Variants in ATP11C observed in about 807,000 individuals in gnomAD.
The protein encoded by ATP11C is phospholipid-transporting ATPase IG.
Under a neutral mutation model 97.4 loss-of-function variants are expected in ATP11C, and 36 were observed. The observed-to-expected ratio is 0.37, with a 90% CI of 0.28 to 0.49. ATP11C has a LOEUF of 0.49. Ranked by LOEUF, ATP11C falls within the 20% of genes least tolerant of loss-of-function variation. The pLI, the probability that ATP11C is intolerant of heterozygous loss-of-function variation, is 0.98. For synonymous variants in ATP11C, 275 were observed against 290.9 expected (o/e 0.95, Z 0.56); for missense variants, 730 against 824.6 (o/e 0.89, Z 1.40).
chrX:139,855,401 G>A (rs1229954179), intron 1 of ATP11C, among the ~76,000 whole-genome samples: 3 of 111,435 alleles, frequency 2.7e-5, no homozygotes, highest in South Asian at 3.8e-4. Context: ...TGAAGATCAC[G>A]TTCTCATCAA....
At chrX:139,813,620 T>A (rs139589202) in intron 5 of ATP11C, among the ~76,000 whole-genome samples, 2,362 of 111,271 alleles carry the variant, frequency 0.021, 32 homozygotes, top group Non-Finnish European at 0.033. Context: ...TGGAAAGACA[T>A]GGAAGAAACT....
intron 1 of ATP11C, among the ~76,000 whole-genome samples, chrX:139,859,534 T>G (rs2084146982): frequency 8.9e-6 from 1 of 112,071 alleles, no homozygotes; most frequent in African/African-American, 3.2e-5. Flanking sequence ...ACCCATGTGT[T>G]ATGTCAAATT....
intron 1 of ATP11C, among the ~76,000 whole-genome samples, chrX:139,844,551 T>C (rs2083882659): frequency 8.9e-6 from 1 of 112,044 alleles, no homozygotes; most frequent in Admixed American, 9.4e-5. Flanking sequence ...TCAGAGCAGC[T>C]AACAGCTCTG....
intron 1 of ATP11C, among the ~76,000 whole-genome samples, chrX:139,921,670 G>A (rs2085261330): frequency 9.0e-6 from 1 of 111,256 alleles, no homozygotes; most frequent in African/African-American, 3.3e-5. Flanking sequence ...CTATAAATGT[G>A]TTGGTAAGGA....
In ATP11C at chrX:139,733,692, C is replaced by T. The variant is rs758201886; in HGVS notation, c.3289-1937G>A. Among the ~76,000 whole-genome samples, 14 of 111,286 alleles carry T rather than the reference C, an allele frequency of 1.3e-4. No individual in the cohort carries two copies. In the South Asian group the frequency reaches 4.5e-3, roughly 36 times the overall value. ...TTCTATTTTATGGGCAAAAACCCTGCGACAAGATCAGCATGATACCAAGTT... is the reference window on the plus strand; with the variant it reads ...TTCTATTTTATGGGCAAAAACCCTGTGACAAGATCAGCATGATACCAAGTT... On this transcript the variant is annotated intron_variant, in intron 28 of 29. Transcript: ENST00000682941.
chrX:139,752,974 C>G (rs2081853859), intron 23 of ATP11C, among the ~76,000 whole-genome samples: 1 of 111,532 alleles, frequency 9.0e-6, no homozygotes, highest in Non-Finnish European at 1.9e-5. Flanking sequence ...GAGAAAGAGA[C>G]CAGTCATTCC....
intron 12 of ATP11C, among the ~76,000 whole-genome samples, chrX:139,794,177 C>A (rs1385865580): frequency 8.9e-6 from 1 of 112,246 alleles, no homozygotes; most frequent in Non-Finnish European, 1.9e-5. Flanking sequence ...CCTTTTGTTT[C>A]TCATGTCAAG....
At chrX:139,930,055 A>T (rs1010329870) in intron 1 of ATP11C, among the ~76,000 whole-genome samples, 1 of 111,919 alleles carries the variant, frequency 8.9e-6, no homozygotes, top group Non-Finnish European at 1.9e-5. Context: ...TACTTACCAC[A>T]GTCATGGCTG....
intron 5 of ATP11C, among the ~76,000 whole-genome samples, chrX:139,810,857 T>C (rs1292803575): frequency 1.9e-5 from 2 of 107,758 alleles, no homozygotes; most frequent in Admixed American, 2.0e-4. Flanking sequence ...TCCCGTTCTC[T>C]AAATTCAGAG....
At chrX:139,874,582 A>C (rs749796290) in intron 1 of ATP11C, among the ~76,000 whole-genome samples, 2 of 112,106 alleles carry the variant, frequency 1.8e-5, no homozygotes, top group Non-Finnish European at 3.8e-5. Context: ...ACTCAATGCT[A>C]ATTCCAGACT....
chrX:139,737,807 G>C, intron 28 of ATP11C, 109 bp downstream of exon 28: 1 of 780,385 alleles, frequency 1.3e-6, no homozygotes, highest in Non-Finnish European at 2.0e-6. Flanking sequence ...CTGTAAGGAG[G>C]GGTTTAACAT....
intron 1 of ATP11C, among the ~76,000 whole-genome samples, chrX:139,901,074 A>C (rs767694357): frequency 1.8e-4 from 20 of 111,791 alleles, no homozygotes; most frequent in Non-Finnish European, 3.2e-4. Flanking sequence ...TGATGAAAGA[A>C]TTGAACAATG....
intron 1 of ATP11C, among the ~76,000 whole-genome samples, chrX:139,922,223 AATATATATAT>A (rs201394639): frequency 0.26 from 11,143 of 43,559 alleles, 1,684 homozygotes; most frequent in Middle Eastern, 0.48. Flanking sequence ...TCCTTCTCTA[AATATATATAT>A]ATATATATAT....
intron 2 of ATP11C, among the ~76,000 whole-genome samples, chrX:139,820,918 G>A (rs911752423): frequency 2.7e-5 from 3 of 111,138 alleles, no homozygotes; most frequent in Middle Eastern, 4.7e-3. Context: ...AAGAGTTCTC[G>A]TCTTCTGACC....
intron 1 of ATP11C, among the ~76,000 whole-genome samples, chrX:139,842,157 A>G (rs371722704): frequency 7.1e-5 from 8 of 112,257 alleles, no homozygotes; most frequent in African/African-American, 2.6e-4. Context: ...TCAGCCTCCC[A>G]AGTAGCTGGG....
intron 1 of ATP11C, among the ~76,000 whole-genome samples, chrX:139,879,321 T>C (rs1332947958): frequency 1.8e-5 from 2 of 110,270 alleles, no homozygotes; most frequent in South Asian, 3.9e-4. Flanking sequence ...TATTACACAA[T>C]GGAATATTAT....
At chrX:139,772,338 T>C (rs982425668) in intron 19 of ATP11C, among the ~76,000 whole-genome samples, 4 of 112,226 alleles carry the variant, frequency 3.6e-5, no homozygotes, top group Non-Finnish European at 7.5e-5. Flanking sequence ...GATGGGGCCC[T>C]CATGGAGAAC....
At chrX:139,861,789 CA>C (rs2084202764) in intron 1 of ATP11C, among the ~76,000 whole-genome samples, 6 of 111,350 alleles carry the variant, frequency 5.4e-5, no homozygotes, top group African/African-American at 2.0e-4. Context: ...CACACACACA[CA>C]CACACACACA....
intron 1 of ATP11C, among the ~76,000 whole-genome samples, chrX:139,887,787 A>T (rs2084667062): frequency 9.1e-6 from 1 of 110,394 alleles, no homozygotes; most frequent in Admixed American, 9.7e-5. Context: ...CCTGGGCAAC[A>T]AGGTAAAACC....
Sources: allele counts gnomAD v4.1 joint callset (sites outside exome capture counted in the v4.1 genomes callset), GRCh38; gene constraint gnomAD v4.1.1; transcripts MANE v1.5; gene names NCBI Gene and HGNC (gene_info 2026-07-23, HGNC 2026-07-21).